CYFIP1: variants seen among roughly 807,000 people sequenced by gnomAD.
CYFIP1 encodes cytoplasmic FMR1 interacting protein 1.
In CYFIP1, 58 loss-of-function variants were observed where a neutral mutation model predicts 163.5. The observed-to-expected ratio is 0.35, with a 90% CI of 0.29 to 0.44. The LOEUF (loss-of-function observed/expected upper bound fraction) is 0.44, where lower values mean the gene tolerates loss of function less well. Among genes scored for constraint, CYFIP1 ranks in the 20% least tolerant of loss-of-function variants. The pLI, the probability that CYFIP1 is intolerant of heterozygous loss-of-function variation, is 1.00. For synonymous variants in CYFIP1, 663 were observed against 660.7 expected, an observed-to-expected ratio of 1.00 and a Z score of -0.05; for missense variants, 1,338 against 1,653.8, an observed-to-expected ratio of 0.81 and a Z score of 3.31.
chr15:22,964,382 C>CACAA (rs2062826204), intron 1 of CYFIP1, among the ~76,000 whole-genome samples: 1 of 144,966 alleles, frequency 6.9e-6, no homozygotes, highest in Non-Finnish European at 1.5e-5. Flanking sequence ...CACACACACA[C>CACAA]ACACACACAC....
At chr15:22,884,924 G>C (rs1012206290) in intron 23 of CYFIP1, among the ~76,000 whole-genome samples, 3 of 150,914 alleles carry the variant, frequency 2.0e-5, no homozygotes, top group African/African-American at 7.3e-5. Context: ...CCAGGAAGCA[G>C]GGATGCAGGG....
chr15:22,951,443 C>T, intron 1 of CYFIP1: 1 of 1,289,560 alleles, frequency 7.8e-7, no homozygotes. Context: ...GGGGCCTGCC[C>T]TTGGTGTCCA....
Position 22,870,127 on chromosome 15 carries a change from G to T in CYFIP1, c.3663C>A (p.Ile1221=). ...FQILNDEIIT[I]LDKYLKSGDG... ...CGCCTGACTTCAGGTACTTATCCAG[G>T]ATGGTGATGATCTCATCATTGAGAA... The change falls in exon 31 of 31, where the codon ATC becomes ATA. Residue 1221 remains isoleucine (I), a synonymous_variant. Transcript: ENST00000617928. The T allele has an allele frequency of 6.2e-7, 1 of 1,613,044 alleles. No homozygotes were observed. The highest frequency in any genetic ancestry group is 8.5e-7 in the Non-Finnish European group (1 of 1,179,568).
At chr15:22,921,813 G>C (rs1282747445) in intron 13 of CYFIP1, among the ~76,000 whole-genome samples, 1 of 147,788 alleles carries the variant, frequency 6.8e-6, no homozygotes, top group Non-Finnish European at 1.5e-5. Context: ...CATTAAGAAT[G>C]AAAAAGGGGA....
intron 1 of CYFIP1, among the ~76,000 whole-genome samples, chr15:22,949,500 G>C (rs2062176718): frequency 6.6e-6 from 1 of 152,206 alleles, no homozygotes; most frequent in South Asian, 2.1e-4. Context: ...AGCAGAGGCA[G>C]TAGGCAGGCT....
chr15:22,946,640 C>CAA, intron 3 of CYFIP1: 2 of 355,718 alleles, frequency 5.6e-6, no homozygotes, highest in Non-Finnish European at 1.1e-5. Flanking sequence ...GACTCTGTCT[C>CAA]AAAAAAAAAG....
chr15:22,977,225 G>A (rs1444987722), intron 1 of CYFIP1, among the ~76,000 whole-genome samples: 9 of 151,530 alleles, frequency 5.9e-5, no homozygotes, highest in Non-Finnish European at 1.0e-4. Context: ...AAATAAGGTC[G>A]CCTTCTGTGT....
chr15:22,912,052 C>T (rs2060802991), intron 18 of CYFIP1, 127 bp downstream of exon 18: 1 of 821,860 alleles, frequency 1.2e-6, no homozygotes. Flanking sequence ...GGCTTGCTCC[C>T]ACATGCTTGC....
In CYFIP1 at chr15:22,962,258, CAAAGACGTGCG is replaced by C. The variant is rs557835638; in HGVS notation, c.-6-14978_-6-14968del. Among the ~76,000 whole-genome samples, 328 of 152,294 alleles carry C rather than the reference CAAAGACGTGCG, an allele frequency of 2.2e-3. 6 individuals carry two copies. The highest frequency in any genetic ancestry group is 7.6e-3 in the African/African-American group (314 of 41,550). ...CATAATTAGTAATGTTTAATGATGTCAAAGACGTGCGAACTCACTGCCCACACCGAAAGGCA... is the reference window on the plus strand; with the variant it reads ...CATAATTAGTAATGTTTAATGATGTCAACTCACTGCCCACACCGAAAGGCA... On this transcript the variant is annotated intron_variant, in intron 1 of 30. Coordinates refer to ENST00000617928, the MANE Select transcript of CYFIP1 (RefSeq NM_014608.6).
intron 1 of CYFIP1, among the ~76,000 whole-genome samples, chr15:22,955,610 A>T (rs1444129504): frequency 6.6e-6 from 1 of 152,170 alleles, no homozygotes; most frequent in Non-Finnish European, 1.5e-5. Context: ...CAGCAGGCCA[A>T]GGGGCAAAGG....
chr15:22,883,109 G>A (rs1372270603), intron 23 of CYFIP1, 98 bp from the exon 24 acceptor site: 11 of 1,413,572 alleles, frequency 7.8e-6, no homozygotes, highest in Non-Finnish European at 5.8e-6. Context: ...AGGCTCAGGT[G>A]AGCGGGTCTG....
At chr15:22,949,436 C>A (rs543811419) in intron 1 of CYFIP1, among the ~76,000 whole-genome samples, 80 of 152,130 alleles carry the variant, frequency 5.3e-4, no homozygotes, top group African/African-American at 1.7e-3. Context: ...TGCTGGCCAG[C>A]GGTACAGGCT....
chr15:22,904,118 C>T (rs1318967960), intron 21 of CYFIP1: 2 of 599,946 alleles, frequency 3.3e-6, no homozygotes, highest in Non-Finnish European at 5.9e-6. Flanking sequence ...TTCTCCACTG[C>T]AGTCACCTCC....
At chr15:22,972,109 A>G (rs2063119336) in intron 1 of CYFIP1, among the ~76,000 whole-genome samples, 1 of 152,130 alleles carries the variant, frequency 6.6e-6, no homozygotes, top group African/African-American at 2.4e-5. Context: ...GCAAAAGAAC[A>G]AGGCTGGAGG....
Position 22,879,008 on chromosome 15 carries a change from C to T in CYFIP1, c.3042+905G>A, listed in dbSNP as rs987195655. ...AAAATTAGCTGGGCGTGGTGGTGGG[C>T]GCCTGTAGTCCCAGCTACTTCTGAG... On this transcript the variant is annotated intron_variant, in intron 26 of 30. Transcript: ENST00000617928. Among the ~76,000 whole-genome samples the T allele has an allele frequency of 5.1e-4, 77 of 151,852 alleles. 1 individual carries two copies. Among genetic ancestry groups the T allele is most frequent in the Admixed American group, 4.6e-4 (7 of 15,244 alleles).
chr15:22,964,318 G>C (rs1261951963), intron 1 of CYFIP1, among the ~76,000 whole-genome samples: 9 of 43,186 alleles, frequency 2.1e-4, no homozygotes, highest in South Asian at 7.8e-4. Context: ...ACACACAACT[G>C]GCGGCCCCAC....
intron 20 of CYFIP1, among the ~76,000 whole-genome samples, chr15:22,909,654 AT>A (rs1415585044): frequency 1.3e-5 from 2 of 151,686 alleles, no homozygotes; most frequent in African/African-American, 4.8e-5. Context: ...ATTAAATGCA[AT>A]TTTTTTTAGT....
intron 13 of CYFIP1, among the ~76,000 whole-genome samples, chr15:22,920,158 G>A (rs1169882067): frequency 1.3e-4 from 15 of 112,902 alleles, no homozygotes; most frequent in Non-Finnish European, 2.1e-4. Flanking sequence ...AATTAAGGCA[G>A]CTTTTTTTTT....
intron 1 of CYFIP1, among the ~76,000 whole-genome samples, chr15:22,978,273 A>C (rs2063344282): frequency 6.9e-6 from 1 of 144,678 alleles, no homozygotes; most frequent in Non-Finnish European, 1.5e-5. Context: ...AACCACCTGA[A>C]CCCAGGAGGC....
Sources: gnomAD v4.1 joint callset for allele counts (sites outside exome capture counted in the v4.1 genomes callset) on GRCh38, gnomAD v4.1.1 for gene constraint, MANE v1.5 for transcripts, NCBI Gene and HGNC (gene_info 2026-07-23, HGNC 2026-07-21) for gene names.